The following PLXDC1 variants were observed in gnomAD, a reference collection of about 807,000 sequenced individuals.
The protein encoded by PLXDC1 is plexin domain-containing protein 1.
In PLXDC1, 39 loss-of-function variants were observed where a neutral mutation model predicts 61.3. The ratio of observed to expected loss-of-function variants is 0.64; its 90% CI spans 0.49 to 0.83. The LOEUF (loss-of-function observed/expected upper bound fraction) is 0.83. Ranked by LOEUF, PLXDC1 falls within the 40% of genes least tolerant of loss-of-function variation. PLXDC1 has a pLI of 0.00. For synonymous variants in PLXDC1, 212 were observed against 254.5 expected, an observed-to-expected ratio of 0.83 and a Z score of 1.59; for missense variants, 596 against 666.5, an observed-to-expected ratio of 0.89 and a Z score of 1.17.
In PLXDC1 at chr17:39,083,443, A is replaced by G. The variant is rs767786308; in HGVS notation, c.989+16T>C. On this transcript the variant is annotated intron_variant, in intron 9 of 13. Transcript: ENST00000315392. ...AGTCGGCCAGTGGGAGTCAGCAGGT[A>G]ACCCTGGGCACAAACCTCTGGAGGA... 4 of 1,610,108 alleles carry G rather than the reference A, an allele frequency of 2.5e-6. No homozygotes were observed. The highest frequency in any genetic ancestry group is 3.3e-5 in the Admixed American group (2 of 59,942).
rs909515009 is a variant in PLXDC1 at position 39,079,975 on chromosome 17, CA to C, written c.990-812del. ...CAGGAGCTGTCAGTCTTTCCTTCTG[CA>C]GATGCCTCTGGGCTCTGAGCTGCTC... is the stretch of plus-strand genomic sequence containing the variant. On this transcript the variant is annotated intron_variant, in intron 9 of 13. Coordinates refer to ENST00000315392, the MANE Select transcript of PLXDC1 (RefSeq NM_020405.5). 4.0e-5 allele frequency: 8 copies of C among 198,798 alleles called. No individual in the cohort carries two copies. In the Admixed American group the frequency reaches 4.3e-4, roughly 11 times the overall value. 12.3% of individuals were successfully genotyped at this position (198,798 alleles called of 1,614,324 possible).
chr17:39,140,802 C>T (rs564299320), intron 1 of PLXDC1, among the ~76,000 whole-genome samples: 1 of 152,314 alleles, frequency 6.6e-6, no homozygotes, highest in East Asian at 1.9e-4. Context: ...TTCTCAACCT[C>T]GGTACTATTG....
rs113978461 is a variant in PLXDC1, at chr17:39,077,971, A to G, written c.1128T>C (p.Tyr376=). 226 of 1,614,004 alleles carry G rather than the reference A, an allele frequency of 1.4e-4. No individual in the cohort carries two copies. In the African/African-American group the frequency reaches 2.5e-3, roughly 18 times the overall value. The stretch of plus-strand genomic sequence containing the variant: ...AGGAGGTAGTGGTGAGGTCTCCATC[A>G]TAGGGGCTGAAGGAAGTGTCAGGGG... ...SASPDTSFSP[Y]DGDLTTTSSS... Residue 376 remains tyrosine, a synonymous_variant, in exon 11 of 14, where the codon TAT becomes TAC. Transcript: ENST00000315392.
At chr17:39,087,543 G>T in intron 8 of PLXDC1, 64 bp downstream of exon 8, 1 of 1,251,464 alleles carries the variant, frequency 8.0e-7, no homozygotes, top group East Asian at 2.3e-5. Flanking sequence ...ATGGGCCTGG[G>T]ACATGAAGCC....
At chr17:39,072,546 T>G in intron 11 of PLXDC1, 61 bp from the exon 12 acceptor site, 1 of 1,037,854 alleles carries the variant, frequency 9.6e-7, no homozygotes. Context: ...TTTGTCACTC[T>G]GAGTCCAGAT....
chr17:39,131,648 C>T (rs1209884685), intron 2 of PLXDC1: 1 of 152,790 alleles, frequency 6.5e-6, no homozygotes, highest in African/African-American at 2.4e-5. Context: ...CCACCATGCC[C>T]AGACAACCTT....
chr17:39,130,915 A>G (rs1457172495), intron 2 of PLXDC1, among the ~76,000 whole-genome samples: 1 of 152,174 alleles, frequency 6.6e-6, no homozygotes, highest in African/African-American at 2.4e-5. Context: ...AAAGAAAAAA[A>G]GAAACTAACC....
At chr17:39,070,057 G>T in intron 12 of PLXDC1, 41 bp from the exon 13 acceptor site, 8 of 1,554,084 alleles carry the variant, frequency 5.1e-6, no homozygotes, top group Non-Finnish European at 7.1e-6. Flanking sequence ...CTGCAGGGGA[G>T]CAGGGAAGGT....
Position 39,063,712 on chromosome 17 carries a change from C to A in PLXDC1, c.*4128G>T. 1.9e-6 allele frequency: 1 copy of A among 523,856 alleles called. No homozygotes were observed. The highest frequency in any genetic ancestry group is 3.4e-6 in the Non-Finnish European group (1 of 296,286). The allele number at this position is 523,856 out of a possible 1,614,324, so 32.5% of individuals were successfully genotyped here. ...ATTGTGTTTTAGAAGGCTGGGTGCC[C>A]TCAGTCCCCAGATCTTTGAATTCTA... On this transcript the variant is annotated 3_prime_UTR_variant, in exon 14 of 14. Coordinates refer to ENST00000315392, the MANE Select transcript of PLXDC1 (RefSeq NM_020405.5).
In PLXDC1 at chr17:39,151,556, G is replaced by C; in HGVS notation, c.-119C>G. 4.2e-6 allele frequency: 5 copies of C among 1,204,426 alleles called. No individual in the cohort carries two copies. Among genetic ancestry groups the C allele is most frequent in the Non-Finnish European group, 5.2e-6 (5 of 970,274 alleles). 74.6% of individuals were successfully genotyped at this position (1,204,426 alleles called of 1,614,324 possible). ...GGCTGGCGGAGGGGCGGGCGGCGAG[G>C]AGACGGCGGAGCGCGGGGCCGGGCG... On this transcript the variant is annotated 5_prime_UTR_variant, in exon 1 of 14. Transcript: ENST00000315392. The surrounding 1 kb of genome is among the most constrained non-coding windows in gnomAD (Gnocchi z 5.2).
intron 7 of PLXDC1, among the ~76,000 whole-genome samples, chr17:39,090,787 C>T (rs972219036): frequency 6.6e-6 from 1 of 152,240 alleles, no homozygotes; most frequent in Non-Finnish European, 1.5e-5. Flanking sequence ...TCTAACCCCT[C>T]AAAGTCCACC....
In PLXDC1 at chr17:39,103,481, C is replaced by T. The variant is rs114420794; in HGVS notation, c.811+2373G>A. On this transcript the variant is annotated intron_variant, in intron 7 of 13. Coordinates refer to ENST00000315392, the MANE Select transcript of PLXDC1 (RefSeq NM_020405.5). Reference sequence around the variant, plus strand: ...TGGCTTGAGCCCAAGTGTTTGAGGCCGCAATGAACTATGATGGGGACACTG... The same window carrying T: ...TGGCTTGAGCCCAAGTGTTTGAGGCTGCAATGAACTATGATGGGGACACTG... Among the ~76,000 whole-genome samples the T allele has an allele frequency of 1.9e-3, 289 of 152,050 alleles. 1 individual carries two copies. The highest frequency in any genetic ancestry group is 6.3e-3 in the African/African-American group (260 of 41,422).
intron 5 of PLXDC1, chr17:39,107,815 G>T (rs1910651959): frequency 1.4e-5 from 8 of 565,006 alleles, no homozygotes; most frequent in Non-Finnish European, 2.5e-5. Context: ...AGGAATGTCT[G>T]TTCTCCTGGA....
At chr17:39,068,697 C>G (rs766063379) in intron 13 of PLXDC1, among the ~76,000 whole-genome samples, 37 of 152,260 alleles carry the variant, frequency 2.4e-4, no homozygotes, top group Non-Finnish European at 3.8e-4. Context: ...ATGCAGATTC[C>G]TGGGCCTGCC....
Position 39,069,870 on chromosome 17 carries a change from G to C in PLXDC1, c.1369C>G (p.Leu457Val). Residue 457 changes from leucine to valine, a missense_variant, in exon 13 of 14, where the codon CTC becomes GTC. Physicochemically the swap from Leu to Val is conservative, Grantham distance 32. Coordinates refer to ENST00000315392, the MANE Select transcript of PLXDC1 (RefSeq NM_020405.5). ...INGHPTSNAA[L>V]FFIERRPHHW... ...ATGACACGGACCTCGATGAAGAAGAGCGCAGCATTGGATGTGGGGTGGCCA... is the reference window on the plus strand; with the variant it reads ...ATGACACGGACCTCGATGAAGAAGACCGCAGCATTGGATGTGGGGTGGCCA... The C allele has an allele frequency of 6.2e-7, 1 of 1,613,936 alleles. No individual in the cohort carries two copies. Among genetic ancestry groups the C allele is most frequent in the Non-Finnish European group, 8.5e-7 (1 of 1,179,854 alleles).
chr17:39,129,688 AAAAGAAAG>A (rs1305179766), intron 2 of PLXDC1, among the ~76,000 whole-genome samples: 19 of 65,066 alleles, frequency 2.9e-4, no homozygotes, highest in African/African-American at 1.4e-3. Flanking sequence ...AGGGAGAAAG[AAAAGAAAG>A]AAAGAAAGAA....
intron 7 of PLXDC1, among the ~76,000 whole-genome samples, chr17:39,104,744 A>G (rs1438185283): frequency 2.0e-5 from 3 of 152,094 alleles, no homozygotes; most frequent in African/African-American, 4.8e-5. Flanking sequence ...AAATTGCACT[A>G]CTGCATTCAT....
chr17:39,090,168 C>T (rs762151947), intron 7 of PLXDC1, among the ~76,000 whole-genome samples: 9 of 152,180 alleles, frequency 5.9e-5, no homozygotes, highest in Admixed American at 1.3e-4. Context: ...ACTGCGCCCC[C>T]GTGGGTCTGG....
chr17:39,117,189 C>T (rs1257611144), intron 2 of PLXDC1, among the ~76,000 whole-genome samples: 1 of 152,162 alleles, frequency 6.6e-6, no homozygotes, highest in African/African-American at 2.4e-5. Flanking sequence ...AGCCCTGGCT[C>T]ATGGAAGCAA....
Sources: gnomAD v4.1 joint callset for allele counts (sites outside exome capture counted in the v4.1 genomes callset) on GRCh38, gnomAD v4.1.1 for gene constraint, Gnocchi (gnomAD v3.1) non-coding constraint, MANE v1.5 for transcripts, NCBI Gene and HGNC (gene_info 2026-07-23, HGNC 2026-07-21) for gene names.